The following EXOC6B variants were observed in gnomAD, a reference collection of about 807,000 sequenced individuals.
EXOC6B encodes the protein SEC15 homolog B.
Under a neutral mutation model 113.5 loss-of-function variants are expected in EXOC6B, and 54 were observed. The ratio of observed to expected loss-of-function variants is 0.48; its 90% confidence interval spans 0.38 to 0.60. The LOEUF (loss-of-function observed/expected upper bound fraction) is 0.60. Ranked by LOEUF, EXOC6B falls within the 20% of genes least tolerant of loss-of-function variation. The pLI, the probability that EXOC6B is intolerant of heterozygous loss-of-function variation, is 0.00. For missense variants in EXOC6B, 797 were observed against 977.5 expected (o/e 0.82, Z 2.46); for synonymous variants, 357 against 339.0 (o/e 1.05, Z -0.58).
intron 6 of EXOC6B, among the ~76,000 whole-genome samples, chr2:72,629,284 T>C (rs1439118153): frequency 2.0e-5 from 3 of 152,208 alleles, no homozygotes; most frequent in African/African-American, 2.4e-5. Context: ...GTACTATTCA[T>C]ACAGCCTTGG....
intron 6 of EXOC6B, among the ~76,000 whole-genome samples, chr2:72,583,913 G>A (rs1194478024): frequency 1.3e-5 from 2 of 151,882 alleles, no homozygotes; most frequent in Non-Finnish European, 2.9e-5. Flanking sequence ...ATAGAGATGG[G>A]GTTTCACCAT....
At chr2:72,669,022 G>T (rs1675593409) in intron 6 of EXOC6B, among the ~76,000 whole-genome samples, 1 of 152,254 alleles carries the variant, frequency 6.6e-6, no homozygotes, top group South Asian at 2.1e-4. Context: ...AGACGTTTGA[G>T]TCTACAGTGA....
At chr2:72,606,395 T>C (rs984577593) in intron 6 of EXOC6B, among the ~76,000 whole-genome samples, 5 of 151,776 alleles carry the variant, frequency 3.3e-5, no homozygotes, top group African/African-American at 1.2e-4. Context: ...ACAGTAAACA[T>C]TAAAAATTAT....
At chr2:72,596,178 T>C (rs1057423530) in intron 6 of EXOC6B, among the ~76,000 whole-genome samples, 3 of 152,086 alleles carry the variant, frequency 2.0e-5, no homozygotes, top group Non-Finnish European at 4.4e-5. Flanking sequence ...AAGCTGTGAC[T>C]CCCATATTCA....
chr2:72,191,769 T>G (rs543286682), intron 20 of EXOC6B, among the ~76,000 whole-genome samples: 1 of 152,304 alleles, frequency 6.6e-6, no homozygotes, highest in African/African-American at 2.4e-5. Context: ...ATTATTAGGA[T>G]AAAGCAGGAC....
intron 1 of EXOC6B, among the ~76,000 whole-genome samples, chr2:72,768,355 G>A (rs185648243): frequency 8.6e-4 from 126 of 146,078 alleles, no homozygotes; most frequent in African/African-American, 3.0e-3. Context: ...GCAATGGTGC[G>A]ATCTCGGCTC....
intron 18 of EXOC6B, chr2:72,461,884 T>C (rs996684815): frequency 1.3e-5 from 2 of 152,094 alleles, no homozygotes; most frequent in African/African-American, 4.8e-5. Context: ...GAGTAGTTTA[T>C]AGTCAAAAAT....
At chr2:72,548,533 G>T (rs957365591) in intron 8 of EXOC6B, among the ~76,000 whole-genome samples, 1 of 152,022 alleles carries the variant, frequency 6.6e-6, no homozygotes, top group Non-Finnish European at 1.5e-5. Flanking sequence ...TGATCCTTCC[G>T]TTGGACACCA....
At chr2:72,287,446 A>AAT (rs2104696579) in intron 20 of EXOC6B, among the ~76,000 whole-genome samples, 2 of 150,428 alleles carry the variant, frequency 1.3e-5, no homozygotes, top group South Asian at 4.2e-4. Context: ...AAAAAAAATA[A>AAT]AAATAAAAAT....
chr2:72,784,662 A>T (rs539347280), intron 1 of EXOC6B, among the ~76,000 whole-genome samples: 1 of 152,266 alleles, frequency 6.6e-6, no homozygotes, highest in South Asian at 2.1e-4. Context: ...CTATCATGAG[A>T]ATAGCACAGG....
At chr2:72,462,359 GATA>G (rs1335920451) in intron 18 of EXOC6B, 1 of 152,020 alleles carries the variant, frequency 6.6e-6, no homozygotes, top group Non-Finnish European at 1.5e-5. Flanking sequence ...GTTCTATTTA[GATA>G]ATAATAACCT....
chr2:72,596,559 T>TACATAAAGGAAGAAAA (rs369415352), intron 6 of EXOC6B, among the ~76,000 whole-genome samples: 2 of 151,848 alleles, frequency 1.3e-5, no homozygotes, highest in Admixed American at 6.6e-5. Flanking sequence ...CTTCCTTTCT[T>TACATAAAGGAAGAAAA]ACATAAAGGA....
At chr2:72,631,244 G>A (rs1162743864) in intron 6 of EXOC6B, among the ~76,000 whole-genome samples, 3 of 151,428 alleles carry the variant, frequency 2.0e-5, no homozygotes, top group African/African-American at 7.3e-5. Flanking sequence ...ATATGTATAT[G>A]TGTATATATA....
chr2:72,364,939 A>G (rs989314056), intron 19 of EXOC6B, among the ~76,000 whole-genome samples: 23 of 152,184 alleles, frequency 1.5e-4, no homozygotes, highest in African/African-American at 5.1e-4. Flanking sequence ...AATTCAGAGA[A>G]GGATGACTTC....
At chr2:72,201,248 C>T (rs572969494) in intron 20 of EXOC6B, among the ~76,000 whole-genome samples, 6 of 151,932 alleles carry the variant, frequency 3.9e-5, no homozygotes, top group Non-Finnish European at 8.8e-5. Context: ...TGTTTTCCAC[C>T]GCAGAAGTAT....
chr2:72,386,422 G>A lies in EXOC6B; in HGVS notation c.1981-6552C>T, dbSNP rs1015385144. Among the ~76,000 whole-genome samples the A allele has an allele frequency of 4.6e-5, 7 of 152,264 alleles. No individual in the cohort carries two copies. The South Asian group carries it at 8.3e-4, about 18-fold the overall frequency. ...TTGATAGCCAAGACAAAGGGGAAAA[G>A]GTCTCCGAGGCAAGTCACAGACCTT... is the stretch of plus-strand genomic sequence containing the variant. On this transcript the variant is annotated intron_variant, in intron 18 of 21. Coordinates refer to ENST00000272427, the MANE Select transcript of EXOC6B (RefSeq NM_015189.3).
chr2:72,543,018 A>C (rs570665300), intron 8 of EXOC6B, among the ~76,000 whole-genome samples: 3 of 152,186 alleles, frequency 2.0e-5, no homozygotes, highest in Non-Finnish European at 4.4e-5. Flanking sequence ...AGATCTCAGT[A>C]ATGGAAGAAA....
chr2:72,613,983 G>A (rs894695293), intron 6 of EXOC6B, among the ~76,000 whole-genome samples: 8 of 152,114 alleles, frequency 5.3e-5, no homozygotes, highest in African/African-American at 1.4e-4. Flanking sequence ...ACACAGCCAT[G>A]TTCATTCATG....
rs1677727796 is a variant in EXOC6B, at chr2:72,176,273, CAAAA to C, written c.*3058_*3061del. On this transcript the variant is annotated 3_prime_UTR_variant, in exon 22 of 22. Transcript: ENST00000272427. ...TGAATGCAGGCAAAAAAAAAAAAAA[CAAAA>C]AGGAAGAAGAAGAAGAAGAAGAAGA... 1 of 130,512 alleles carries C rather than the reference CAAAA, an allele frequency of 7.7e-6. No individual in the cohort carries two copies. Among genetic ancestry groups the C allele is most frequent in the African/African-American group, 2.8e-5 (1 of 35,308 alleles). 8.1% of individuals were successfully genotyped at this position (130,512 alleles called of 1,614,324 possible).
Sources: gnomAD v4.1 joint callset for allele counts (sites outside exome capture counted in the v4.1 genomes callset) on GRCh38, gnomAD v4.1.1 for gene constraint, MANE v1.5 for transcripts, NCBI Gene and HGNC (gene_info 2026-07-23, HGNC 2026-07-21) for gene names.